The following SOX13 variants were observed in gnomAD, a reference collection of about 807,000 sequenced individuals.
SOX13 encodes transcription factor SOX-13.
In SOX13, 28 loss-of-function variants were observed where a neutral mutation model predicts 71.8. That is an observed-to-expected ratio of 0.39 (90% CI 0.29 to 0.53). The LOEUF (loss-of-function observed/expected upper bound fraction) is 0.53. Among genes scored for constraint, SOX13 ranks in the 20% least tolerant of loss-of-function variants. The pLI is 0.70. For missense variants in SOX13, 627 were observed against 810.3 expected (o/e 0.77, Z 2.75); for synonymous variants, 309 against 317.8 (o/e 0.97, Z 0.29).
At chr1:204,099,977 A>C (rs1402766524) in intron 1 of SOX13, among the ~76,000 whole-genome samples, 2 of 152,130 alleles carry the variant, frequency 1.3e-5, no homozygotes, top group Admixed American at 1.3e-4. Context: ...CCCTGTCACT[A>C]TAAAAAATGA....
At chr1:204,117,745 C>T in intron 7 of SOX13, 38 bp downstream of exon 7, 1 of 1,444,242 alleles carries the variant, frequency 6.9e-7, no homozygotes, top group Non-Finnish European at 9.6e-7. Context: ...CTGCGGCCAG[C>T]CTGTCCTGAG....
intron 1 of SOX13, among the ~76,000 whole-genome samples, chr1:204,108,267 A>G (rs1165991925): frequency 6.6e-6 from 1 of 152,258 alleles, no homozygotes; most frequent in Non-Finnish European, 1.5e-5. Context: ...GCTATTTTAC[A>G]TTCTATTCCA....
chr1:204,084,542 G>A (rs1357036300), intron 1 of SOX13, among the ~76,000 whole-genome samples: 13 of 152,156 alleles, frequency 8.5e-5, no homozygotes, highest in Non-Finnish European at 1.3e-4. Flanking sequence ...GGAGCAGGCT[G>A]GGCCTAGCTG....
intron 1 of SOX13, among the ~76,000 whole-genome samples, chr1:204,109,839 TA>T (rs901264540): frequency 3.3e-5 from 5 of 152,182 alleles, no homozygotes; most frequent in African/African-American, 7.2e-5. Context: ...TCATTATTAT[TA>T]TTTTTTTTTG....
intron 4 of SOX13, among the ~76,000 whole-genome samples, chr1:204,115,515 G>A (rs1238770649): frequency 5.7e-5 from 6 of 104,350 alleles, no homozygotes; most frequent in African/African-American, 1.4e-4. Context: ...AAAAAAAAAG[G>A]TCTATGGCCA....
At chr1:204,116,070 G>C in intron 4 of SOX13, 1 of 875,556 alleles carries the variant, frequency 1.1e-6, no homozygotes, top group South Asian at 1.8e-5. Flanking sequence ...TTGGTAACTT[G>C]CCTAACAGCT....
Position 204,073,699 on chromosome 1 carries a change from G to T in SOX13, c.-14G>T, listed in dbSNP as rs1256975318. 1 of 152,328 alleles carries T rather than the reference G, an allele frequency of 6.6e-6. No homozygotes were observed. The highest frequency in any genetic ancestry group is 1.5e-5 in the Non-Finnish European group (1 of 68,170). The allele number at this position is 152,328 out of a possible 1,614,324, so 9.4% of individuals were successfully genotyped here. On this transcript the variant is annotated 5_prime_UTR_variant, in exon 1 of 14. Coordinates refer to ENST00000367204, the MANE Select transcript of SOX13 (RefSeq NM_005686.3). The surrounding 1 kb of genome is among the most constrained non-coding windows in gnomAD (Gnocchi z 6.8). ...GCGAGCCCCGAGCCCCGAGCCCGGCGCCTGGCTGAGTAGTAAGTGCACCCC... is the reference window on the plus strand; with the variant it reads ...GCGAGCCCCGAGCCCCGAGCCCGGCTCCTGGCTGAGTAGTAAGTGCACCCC...
At chr1:204,100,710 G>T (rs3795579) in intron 1 of SOX13, among the ~76,000 whole-genome samples, 53,941 of 151,898 alleles carry the variant, frequency 0.36, 9,702 homozygotes, top group South Asian at 0.46. Context: ...AACGGAACGC[G>T]TTGTTCACTG....
chr1:204,122,087 C>T, intron 8 of SOX13, 102 bp downstream of exon 8: 1 of 1,050,198 alleles, frequency 9.5e-7, no homozygotes, highest in Non-Finnish European at 1.4e-6. Context: ...GCCCTGGCAT[C>T]CTGTGTTCTT....
At position 204,126,142 on chromosome 1, in the gene SOX13, TG is replaced by T; in HGVS notation, c.*11del. 1 of 1,611,690 alleles carries T rather than the reference TG, an allele frequency of 6.2e-7. No individual in the cohort carries two copies. Among genetic ancestry groups the T allele is most frequent in the Non-Finnish European group, 8.5e-7 (1 of 1,178,220 alleles). ...GTGGTGCTCACAGACTGATCCCGGC[TG>T]GGTGGGCCTGGCCCCTTCTCCTCTG... On this transcript the variant is annotated 3_prime_UTR_variant, in exon 14 of 14. Coordinates refer to ENST00000367204, the MANE Select transcript of SOX13 (RefSeq NM_005686.3).
chr1:204,084,236 T>G (rs1655970170), intron 1 of SOX13, among the ~76,000 whole-genome samples: 1 of 152,074 alleles, frequency 6.6e-6, no homozygotes, highest in Non-Finnish European at 1.5e-5. Flanking sequence ...GCCTGTGGTG[T>G]GGTGCTGTGG....
At chr1:204,117,771 C>T (rs1032116613) in intron 7 of SOX13, 64 bp downstream of exon 7, 2 of 1,025,466 alleles carry the variant, frequency 2.0e-6, no homozygotes, top group African/African-American at 1.6e-5. Context: ...GGAAAGCGCC[C>T]TGGAGCCACT....
rs1162590827 is a variant in SOX13, at chr1:204,122,752, T to C, written c.1025-102T>C. 1.3e-4 allele frequency: 96 copies of C among 712,988 alleles called. 1 individual carries two copies. The Admixed American group carries it at 2.7e-3, about 20-fold the overall frequency. 44.2% of individuals were successfully genotyped at this position (712,988 alleles called of 1,614,324 possible). A position where few individuals can be genotyped will look rare whatever the true frequency, so the allele number is the denominator to read the frequency against. On this transcript the variant is annotated intron_variant, in intron 9 of 13. Coordinates refer to ENST00000367204, the MANE Select transcript of SOX13 (RefSeq NM_005686.3). ...AGGGAACACTAACTCAGGTGCCTCA[T>C]GGGAGTGGCATGGCGGGAAGCTGAT... is the stretch of plus-strand genomic sequence containing the variant.
Position 204,126,020 on chromosome 1 carries a change from G to A in SOX13, c.1755G>A (p.Glu585=), listed in dbSNP as rs747177054. ...CCTGCAGCCTCAGAGAGGAGGGTGAGGGCACAGATGACAGGCACTCGGTGG... is the reference window on the plus strand; with the variant it reads ...CCTGCAGCCTCAGAGAGGAGGGTGAAGGCACAGATGACAGGCACTCGGTGG... ...VNTCSLREEG[E]GTDDRHSVAD... is the part of the protein sequence containing the mutation. The change falls in exon 14 of 14, where the codon GAG becomes GAA. Residue 585 remains glutamate, a synonymous_variant. Coordinates refer to ENST00000367204, the MANE Select transcript of SOX13 (RefSeq NM_005686.3). 1.7e-5 allele frequency: 28 copies of A among 1,613,884 alleles called. No homozygotes were observed. In the South Asian group the frequency reaches 2.9e-4, roughly 16 times the overall value.
intron 1 of SOX13, among the ~76,000 whole-genome samples, chr1:204,100,307 T>G (rs996402293): frequency 2.6e-5 from 4 of 152,234 alleles, no homozygotes; most frequent in Non-Finnish European, 5.9e-5. Context: ...TCACCATTAT[T>G]CATTACTATT....
chr1:204,115,545 C>CTGCATCAG (rs1413063549), intron 4 of SOX13, among the ~76,000 whole-genome samples: 1 of 137,230 alleles, frequency 7.3e-6, no homozygotes, highest in Non-Finnish European at 1.5e-5. Flanking sequence ...GAATAAACTG[C>CTGCATCAG]TGCATCAGAC....
At chr1:204,103,007 T>G (rs550518009) in intron 1 of SOX13, among the ~76,000 whole-genome samples, 45 of 152,242 alleles carry the variant, frequency 3.0e-4, no homozygotes, top group Non-Finnish European at 5.6e-4. Flanking sequence ...GTGTGAGTCC[T>G]TCTCCCCCTT....
At chr1:204,125,021 C>T (rs575215828) in intron 13 of SOX13, among the ~76,000 whole-genome samples, 164 bp downstream of exon 13, 3 of 152,182 alleles carry the variant, frequency 2.0e-5, no homozygotes, top group Non-Finnish European at 2.9e-5. Flanking sequence ...CCTGCACGTG[C>T]GACCCGACTG....
At chr1:204,106,149 A>G (rs1656465944) in intron 1 of SOX13, among the ~76,000 whole-genome samples, 1 of 152,244 alleles carries the variant, frequency 6.6e-6, no homozygotes, top group African/African-American at 2.4e-5. Context: ...CTTTAAATCC[A>G]AAAAGTATGG....
Sources: gnomAD v4.1 joint callset for allele counts (sites outside exome capture counted in the v4.1 genomes callset) on GRCh38, gnomAD v4.1.1 for gene constraint, Gnocchi (gnomAD v3.1) non-coding constraint, MANE v1.5 for transcripts, NCBI Gene and HGNC (gene_info 2026-07-23, HGNC 2026-07-21) for gene names.